The following CHURC1 variants were observed in gnomAD, a reference collection of about 807,000 sequenced individuals.
CHURC1 encodes churchill domain containing 1, also known as protein Churchill.
A neutral mutation model predicts 15.4 loss-of-function variants in CHURC1; 12 were observed. The ratio of observed to expected loss-of-function variants is 0.78; its 90% CI spans 0.50 to 1.27. The LOEUF is 1.27. Ranked by LOEUF, CHURC1 falls within the 50% of genes most tolerant of loss-of-function variation. The pLI is 0.00. For missense variants in CHURC1, 132 were observed against 137.8 expected (o/e 0.96, Z 0.21); for synonymous variants, 42 against 47.5 (o/e 0.88, Z 0.48).
Position 64,924,057 on chromosome 14 carries a change from C to A in CHURC1, c.106C>A (p.Arg36=). 6.2e-7 allele frequency: 1 copy of A among 1,607,342 alleles called. No homozygotes were observed. The highest frequency in any genetic ancestry group is 8.5e-7 in the Non-Finnish European group (1 of 1,176,480). Residue 36 remains arginine (R), a synonymous_variant, in exon 2 of 4, where the codon CGG becomes AGG. Transcript: ENST00000549115. The stretch of plus-strand genomic sequence containing the variant: ...TACAGGCTGTGCAGTGTGCAGTAAG[C>A]GGGATTTTATGCTGATCACAAACAA... ...NFTGCAVCSK[R]DFMLITNKSL... is the part of the protein sequence containing the mutation.
intron 1 of CHURC1, among the ~76,000 whole-genome samples, chr14:64,922,691 A>G (rs918239779): frequency 2.0e-5 from 3 of 152,072 alleles, no homozygotes; most frequent in Admixed American, 6.6e-5. Flanking sequence ...CAGTACACCT[A>G]TGATTTAATA....
rs1306439309 is a variant in CHURC1, at chr14:64,919,419, A to G, written c.40-4572A>G. Among the ~76,000 whole-genome samples, 9 of 152,370 alleles carry G rather than the reference A, an allele frequency of 5.9e-5. No individual in the cohort carries two copies. In the South Asian group the frequency reaches 1.9e-3, roughly 32 times the overall value. ...TCATATATTCAAGTTGTTGCTTAGT[A>G]GATAACATTGAACCAGATTTAATTA... is the stretch of plus-strand genomic sequence containing the variant. On this transcript the variant is annotated intron_variant, in intron 1 of 3. Coordinates refer to ENST00000549115, the MANE Select transcript of CHURC1 (RefSeq NM_001386928.1).
At chr14:64,924,220 A>G (rs2139897090) in intron 2 of CHURC1, 94 bp downstream of exon 2, 1 of 1,404,922 alleles carries the variant, frequency 7.1e-7, no homozygotes, top group South Asian at 1.8e-5. Flanking sequence ...GCCTATTTCA[A>G]TATTGTATTG....
intron 3 of CHURC1, among the ~76,000 whole-genome samples, chr14:64,927,064 T>G (rs1884762155): frequency 6.6e-6 from 1 of 152,168 alleles, no homozygotes; most frequent in Non-Finnish European, 1.5e-5. Flanking sequence ...CCGAGAGAAT[T>G]TTTTCAATTC....
At position 64,925,888 on chromosome 14, in the gene CHURC1, C is replaced by G. The variant is rs1333891876; in HGVS notation, c.176-122C>G. On this transcript the variant is annotated intron_variant, in intron 2 of 3. Transcript: ENST00000549115. Reference sequence around the variant, plus strand: ...GGTAGATACTATAATGGGTTTCCTCCTATGTTAAATATGACAGACTTAAGA... The same window carrying G: ...GGTAGATACTATAATGGGTTTCCTCGTATGTTAAATATGACAGACTTAAGA... 1.5e-5 allele frequency: 9 copies of G among 617,020 alleles called. No individual in the cohort carries two copies. The Admixed American group carries it at 2.2e-4, about 15-fold the overall frequency. 38.2% of individuals were successfully genotyped at this position (617,020 alleles called of 1,614,324 possible). A position where few individuals can be genotyped will look rare whatever the true frequency, so the allele number is the denominator to read the frequency against.
At chr14:64,923,864 T>C (rs919289837) in intron 1 of CHURC1, 127 bp from the exon 2 acceptor site, 58 of 834,272 alleles carry the variant, frequency 7.0e-5, no homozygotes, top group Non-Finnish European at 8.9e-5. Flanking sequence ...ATTTGGTATA[T>C]GACCTAGAAG....
intron 3 of CHURC1, among the ~76,000 whole-genome samples, chr14:64,927,532 C>A (rs1226104298): frequency 8.6e-5 from 13 of 152,044 alleles, no homozygotes; most frequent in Non-Finnish European, 1.8e-4. Flanking sequence ...TTAGCTAGAC[C>A]AAAGTCTAGC....
chr14:64,926,682 A>G (rs1884733459), intron 3 of CHURC1, among the ~76,000 whole-genome samples: 1 of 152,238 alleles, frequency 6.6e-6, no homozygotes, highest in African/African-American at 2.4e-5. Flanking sequence ...ACAACTCTGC[A>G]GTCTCATTTG....
Position 64,924,002 on chromosome 14 carries a change from C to A in CHURC1, c.51C>A (p.Cys17Ter). 4 of 1,563,148 alleles carry A rather than the reference C, an allele frequency of 2.6e-6. No individual in the cohort carries two copies. The highest frequency in any genetic ancestry group is 1.2e-5 in the South Asian group (1 of 81,482). The change falls in exon 2 of 4, where the codon TGC becomes TGA. Residue 17 changes from cysteine (C) to a stop codon, truncating the protein, a stop_gained. Transcript: ENST00000549115. LOFTEE classifies it high-confidence loss of function. ...EKEYPNRGNT[C>*]LENGSFLLNF... is the part of the protein sequence containing the mutation. ...TTCTGATATTTTAGGGTAATACCTGCCTGGAGAATGGATCTTTCTTACTGA... is the reference window on the plus strand; with the variant it reads ...TTCTGATATTTTAGGGTAATACCTGACTGGAGAATGGATCTTTCTTACTGA...
Position 64,935,366 on chromosome 14 carries a change from A to G in CHURC1, c.*3136A>G, listed in dbSNP as rs1885282958. 4.1e-6 allele frequency: 4 copies of G among 976,198 alleles called. No individual in the cohort carries two copies. The highest frequency in any genetic ancestry group is 5.2e-4 in the Middle Eastern group (1 of 1,906). The allele number at this position is 976,198 out of a possible 1,614,324, so 60.5% of individuals were successfully genotyped here. A position where few individuals can be genotyped will look rare whatever the true frequency, so the allele number is the denominator to read the frequency against. On this transcript the variant is annotated 3_prime_UTR_variant, in exon 4 of 4. Coordinates refer to ENST00000549115, the MANE Select transcript of CHURC1 (RefSeq NM_001386928.1). Reference sequence around the variant, plus strand: ...AAAATAAAAAAAAAGGAATTAGGCAAAACATGGCTCTTCTTTTTACTTTCC... The same window carrying G: ...AAAATAAAAAAAAAGGAATTAGGCAGAACATGGCTCTTCTTTTTACTTTCC...
intron 2 of CHURC1, among the ~76,000 whole-genome samples, chr14:64,924,861 G>C (rs924750345): frequency 1.3e-5 from 2 of 152,082 alleles, no homozygotes; most frequent in African/African-American, 4.8e-5. Flanking sequence ...CTGGTTCTTG[G>C]GTACCTTCTA....
intron 3 of CHURC1, among the ~76,000 whole-genome samples, chr14:64,931,354 TGA>T (rs1368624871): frequency 1.3e-5 from 2 of 152,038 alleles, no homozygotes; most frequent in Admixed American, 6.6e-5. Context: ...GGCAACATAG[TGA>T]GACCCCATCT....
chr14:64,923,905 G>T lies in CHURC1; in HGVS notation c.40-86G>T, dbSNP rs1467145268. On this transcript the variant is annotated intron_variant, in intron 1 of 3. Transcript: ENST00000549115. ...GCTGGCCATTTTTTAGTTTTGTTTT[G>T]CCTTTAGACATTTTAAGTCTGTTAA... 8.1e-6 allele frequency: 10 copies of T among 1,239,074 alleles called. No individual in the cohort carries two copies. In the East Asian group the frequency reaches 9.6e-5, roughly 12 times the overall value. 76.8% of individuals were successfully genotyped at this position (1,239,074 alleles called of 1,614,324 possible). A position where few individuals can be genotyped will look rare whatever the true frequency, so the allele number is the denominator to read the frequency against.
In CHURC1 at chr14:64,934,317, C is replaced by T. The variant is rs1885226602; in HGVS notation, c.*2087C>T. 7.9e-6 allele frequency: 5 copies of T among 631,774 alleles called. No homozygotes were observed. In the Admixed American group the frequency reaches 2.5e-4, roughly 32 times the overall value. 39.1% of individuals were successfully genotyped at this position (631,774 alleles called of 1,614,324 possible). On this transcript the variant is annotated 3_prime_UTR_variant, in exon 4 of 4. Transcript: ENST00000549115. ...GAGCCAAGGTCATGCCACTGCACTC[C>T]AGCCTGGGAGACAGAGCAAGACTCC...
intron 2 of CHURC1, 183 bp downstream of exon 2, chr14:64,924,309 G>A (rs1884531007): frequency 1.5e-6 from 1 of 650,790 alleles, no homozygotes; most frequent in African/African-American, 1.9e-5. Context: ...AATAGTCTAT[G>A]TAAATGACTT....
At chr14:64,926,161 T>C (rs1884681550) in intron 3 of CHURC1, 81 bp downstream of exon 3, 4 of 1,014,656 alleles carry the variant, frequency 3.9e-6, no homozygotes, top group Non-Finnish European at 5.7e-6. Flanking sequence ...CTAAATACGG[T>C]TTTCATAAGT....
chr14:64,920,323 G>A (rs1298693339), intron 1 of CHURC1, among the ~76,000 whole-genome samples: 2 of 152,082 alleles, frequency 1.3e-5, no homozygotes, highest in African/African-American at 4.8e-5. Context: ...TCTTTAAGCT[G>A]TTATGGTCTA....
chr14:64,929,805 T>C lies in CHURC1; in HGVS notation c.247-2333T>C, dbSNP rs980758128. Among the ~76,000 whole-genome samples the C allele has an allele frequency of 5.3e-5, 8 of 152,232 alleles. No homozygotes were observed. The East Asian group carries it at 1.5e-3, about 29-fold the overall frequency. ...GTTTTTAAAACAACCATAATGCCAT[T>C]ATTAAACAAAGTAGGATTTTCTGAT... On this transcript the variant is annotated intron_variant, in intron 3 of 3. Transcript: ENST00000549115.
intron 1 of CHURC1, among the ~76,000 whole-genome samples, chr14:64,920,942 A>G (rs1313983744): frequency 6.6e-6 from 1 of 152,224 alleles, no homozygotes; most frequent in African/African-American, 2.4e-5. Context: ...GACATAAACT[A>G]CCTGATTTAA....
Sources: gnomAD v4.1 joint callset for allele counts (sites outside exome capture counted in the v4.1 genomes callset) on GRCh38, gnomAD v4.1.1 for gene constraint, MANE v1.5 for transcripts, NCBI Gene and HGNC (gene_info 2026-07-23, HGNC 2026-07-21) for gene names.